Variants in HEMK1 observed in about 807,000 individuals in gnomAD.
HEMK1 encodes the protein HemK methyltransferase 1, mitochondrial release factors N(5)-glutamine.
A neutral mutation model predicts 47.9 loss-of-function variants in HEMK1; 36 were observed. The observed-to-expected ratio is 0.75, with a 90% CI of 0.58 to 0.99. HEMK1 has a LOEUF of 0.99. Ranked by LOEUF, HEMK1 falls within the 50% of genes least tolerant of loss-of-function variation. HEMK1 has a pLI of 0.00. For synonymous variants in HEMK1, 153 were observed against 165.4 expected (o/e 0.93, Z 0.57); for missense variants, 383 against 434.5 (o/e 0.88, Z 1.05).
In HEMK1 at chr3:50,570,952, A is replaced by C; in HGVS notation, c.-153A>C. 1.8e-6 allele frequency: 1 copy of C among 549,090 alleles called. No homozygotes were observed. 34.0% of individuals were successfully genotyped at this position (549,090 alleles called of 1,614,324 possible). Reference sequence around the variant, plus strand: ...CCAGGGTGGCAACCAACTATATCTGAGGACCAGAGCCATTTTGGGGCACCA... The same window carrying C: ...CCAGGGTGGCAACCAACTATATCTGCGGACCAGAGCCATTTTGGGGCACCA... On this transcript the variant is annotated 5_prime_UTR_variant, in exon 2 of 11. Transcript: ENST00000232854.
rs772032240 is a variant in HEMK1, at chr3:50,571,201, C to T, written c.97C>T (p.Pro33Ser). ...GWAFSSWQPQ[P>S]PLAGLSSAIE... ...GGCCTTCAGCTCATGGCAACCCCAACCACCTCTGGCTGGGTTATCCAGTGC... is the reference window on the plus strand; with the variant it reads ...GGCCTTCAGCTCATGGCAACCCCAATCACCTCTGGCTGGGTTATCCAGTGC... The change falls in exon 2 of 11, where the codon CCA becomes TCA. Residue 33 changes from proline (P) to serine (S), a missense_variant. Physicochemically the swap from Pro to Ser is moderately conservative, Grantham distance 74. Coordinates refer to ENST00000232854, the MANE Select transcript of HEMK1 (RefSeq NM_016173.5). 3.1e-6 allele frequency: 5 copies of T among 1,613,882 alleles called. No individual in the cohort carries two copies. Among genetic ancestry groups the T allele is most frequent in the Non-Finnish European group, 4.2e-6 (5 of 1,179,918 alleles).
At position 50,589,078 on chromosome 3, in the gene HEMK1, T is replaced by C. The variant is rs1006979652; in HGVS notation, c.*8661T>C. The C allele has an allele frequency of 6.6e-6, 1 of 152,246 alleles. No individual in the cohort carries two copies. 9.4% of individuals were successfully genotyped at this position (152,246 alleles called of 1,614,324 possible). ...TATTTTGCAAGTGCAAATTCTTTCT[T>C]AGCATACAGTCCATCAGGGCGAAGA... On this transcript the variant is annotated 3_prime_UTR_variant, in exon 11 of 11. Coordinates refer to ENST00000232854, the MANE Select transcript of HEMK1 (RefSeq NM_016173.5).
rs1018740900 is a variant in HEMK1, at chr3:50,581,539, A to C, written c.*1122A>C. On this transcript the variant is annotated 3_prime_UTR_variant, in exon 11 of 11. Coordinates refer to ENST00000232854, the MANE Select transcript of HEMK1 (RefSeq NM_016173.5). ...GTGTCCTGCAGTGGGACCTTGGGCA[A>C]CTCCTTTCCCTATGAGAAGCTGGCT... The C allele has an allele frequency of 6.6e-6, 1 of 152,026 alleles. No homozygotes were observed. Among genetic ancestry groups the C allele is most frequent in the Admixed American group, 6.6e-5 (1 of 15,252 alleles). 9.4% of individuals were successfully genotyped at this position (152,026 alleles called of 1,614,324 possible). A position where few individuals can be genotyped will look rare whatever the true frequency, so the allele number is the denominator to read the frequency against.
At chr3:50,575,985 A>G (rs1701550150) in intron 4 of HEMK1, among the ~76,000 whole-genome samples, 1 of 152,234 alleles carries the variant, frequency 6.6e-6, no homozygotes, top group African/African-American at 2.4e-5. Flanking sequence ...TCTTGTTTCC[A>G]AAGTGACAGT....
chr3:50,570,161 G>A (rs1173534594), intron 1 of HEMK1: 1 of 152,226 alleles, frequency 6.6e-6, no homozygotes, highest in Non-Finnish European at 1.5e-5. Context: ...GTTTCTACCT[G>A]AGTGACGCTG....
In HEMK1 at chr3:50,595,987, T is replaced by C. The variant is rs2031954445; in HGVS notation, c.*15570T>C. 1 of 152,204 alleles carries C rather than the reference T, an allele frequency of 6.6e-6. No individual in the cohort carries two copies. Among genetic ancestry groups the C allele is most frequent in the Admixed American group, 6.5e-5 (1 of 15,272 alleles). 9.4% of individuals were successfully genotyped at this position (152,204 alleles called of 1,614,324 possible). ...TGTTTAATATTTGGTCCATCTAGAA[T>C]TTATGGTGGAAGGTGTGAGGTAGAC... On this transcript the variant is annotated 3_prime_UTR_variant, in exon 11 of 11. Coordinates refer to ENST00000232854, the MANE Select transcript of HEMK1 (RefSeq NM_016173.5).
chr3:50,578,986 C>A, intron 8 of HEMK1, 60 bp downstream of exon 8: 1 of 1,226,608 alleles, frequency 8.2e-7, no homozygotes, highest in Non-Finnish European at 1.2e-6. Flanking sequence ...GATTAGTCTG[C>A]CCTCGAGGAC....
In HEMK1 at chr3:50,571,251, T is replaced by C. The variant is rs1700918058; in HGVS notation, c.147T>C (p.Thr49=). The C allele has an allele frequency of 6.8e-6, 11 of 1,613,478 alleles. No individual in the cohort carries two copies. Among genetic ancestry groups the C allele is most frequent in the Non-Finnish European group, 9.3e-6 (11 of 1,179,788 alleles). The part of the protein sequence containing the change: ...SSAIELVSHW[T]GVFEKRGIPE... ...CCATAGAACTGGTCAGCCACTGGAC[T>C]GGGGTCTTTGAGAAGAGGGGTATCC... The change falls in exon 2 of 11, where the codon ACT becomes ACC. Residue 49 remains threonine (T), a synonymous_variant. Coordinates refer to ENST00000232854, the MANE Select transcript of HEMK1 (RefSeq NM_016173.5).
At position 50,577,156 on chromosome 3, in the gene HEMK1, C is replaced by T. The variant is rs755609815; in HGVS notation, c.519C>T (p.Ile173=). 1 of 1,612,162 alleles carries T rather than the reference C, an allele frequency of 6.2e-7. No individual in the cohort carries two copies. Among genetic ancestry groups the T allele is most frequent in the Non-Finnish European group, 8.5e-7 (1 of 1,179,478 alleles). ...ILEVGCGSGA[I]SLSLLSQLPQ... is the part of the protein sequence containing the mutation. Reference sequence around the variant, plus strand: ...AGGTGGGCTGCGGATCAGGAGCCATCTCCCTCAGCCTGCTGAGCCAGCTCC... The same window carrying T: ...AGGTGGGCTGCGGATCAGGAGCCATTTCCCTCAGCCTGCTGAGCCAGCTCC... The change falls in exon 5 of 11, where the codon ATC becomes ATT. Residue 173 remains isoleucine, a synonymous_variant. Coordinates refer to ENST00000232854, the MANE Select transcript of HEMK1 (RefSeq NM_016173.5).
In HEMK1 at chr3:50,592,146, G is replaced by A. The variant is rs1457008841; in HGVS notation, c.*11729G>A. ...GAAAAGAGAGCCAAAGCTCAGAGAGGGCCCATGACTTGCCCAGTGTCACAC... is the reference window on the plus strand; with the variant it reads ...GAAAAGAGAGCCAAAGCTCAGAGAGAGCCCATGACTTGCCCAGTGTCACAC... On this transcript the variant is annotated 3_prime_UTR_variant, in exon 11 of 11. Coordinates refer to ENST00000232854, the MANE Select transcript of HEMK1 (RefSeq NM_016173.5). 2 of 151,972 alleles carry A rather than the reference G, an allele frequency of 1.3e-5. No homozygotes were observed. Among genetic ancestry groups the A allele is most frequent in the Non-Finnish European group, 2.9e-5 (2 of 68,002 alleles). The allele number at this position is 151,972 out of a possible 1,614,324, so 9.4% of individuals were successfully genotyped here.
chr3:50,592,885 T>C lies in HEMK1; in HGVS notation c.*12468T>C, dbSNP rs1221787588. 1 of 152,402 alleles carries C rather than the reference T, an allele frequency of 6.6e-6. No homozygotes were observed. The allele number at this position is 152,402 out of a possible 1,614,324, so 9.4% of individuals were successfully genotyped here. A position where few individuals can be genotyped will look rare whatever the true frequency, so the allele number is the denominator to read the frequency against. ...AAAGCTGGCCCCGTGGAGTTTGCTATTCCAGCTTTTATTTACTCCTCTGTA... is the reference window on the plus strand; with the variant it reads ...AAAGCTGGCCCCGTGGAGTTTGCTACTCCAGCTTTTATTTACTCCTCTGTA... On this transcript the variant is annotated 3_prime_UTR_variant, in exon 11 of 11. Coordinates refer to ENST00000232854, the MANE Select transcript of HEMK1 (RefSeq NM_016173.5).
Position 50,590,874 on chromosome 3 carries a change from C to G in HEMK1, c.*10457C>G, listed in dbSNP as rs991490282. ...TCCAAGGGTGGAAAGACTGGGGGAC[C>G]CTGTGCCCCTGAAAGCCCAGAGTTT... On this transcript the variant is annotated 3_prime_UTR_variant, in exon 11 of 11. Coordinates refer to ENST00000232854, the MANE Select transcript of HEMK1 (RefSeq NM_016173.5). The G allele has an allele frequency of 6.6e-6, 1 of 152,208 alleles. No homozygotes were observed. Among genetic ancestry groups the G allele is most frequent in the Non-Finnish European group, 1.5e-5 (1 of 68,058 alleles). The allele number at this position is 152,208 out of a possible 1,614,324, so 9.4% of individuals were successfully genotyped here. A position where few individuals can be genotyped will look rare whatever the true frequency, so the allele number is the denominator to read the frequency against.
intron 4 of HEMK1, 130 bp from the exon 5 acceptor site, chr3:50,576,922 C>A: frequency 9.0e-7 from 1 of 1,105,078 alleles, no homozygotes; most frequent in Non-Finnish European, 1.3e-6. Context: ...CCCCAGCTGA[C>A]ATGAAGGTCA....
intron 2 of HEMK1, 81 bp downstream of exon 2, chr3:50,571,413 T>A: frequency 9.5e-7 from 1 of 1,055,690 alleles, no homozygotes; most frequent in African/African-American, 1.6e-5. Context: ...TTCTGTTCAC[T>A]AAGAGTGCTT....
rs772770883 is a variant in HEMK1, at chr3:50,577,490, CTGTT to C, written c.550-14_550-11del. The C allele has an allele frequency of 2.5e-5, 40 of 1,613,118 alleles. No homozygotes were observed. Among genetic ancestry groups the C allele is most frequent in the Non-Finnish European group, 3.1e-5 (36 of 1,179,096 alleles). ...CTCAGCATTGCCTTCCACATATCCT[CTGTT>C]TGTTCTTGGGACAGAGCCGAGTCAT... On this transcript the variant is annotated splice_polypyrimidine_tract_variant and intron_variant, in intron 5 of 10. Coordinates refer to ENST00000232854, the MANE Select transcript of HEMK1 (RefSeq NM_016173.5).
rs56407314 is a variant in HEMK1, at chr3:50,590,544, A to ACT, written c.*10128_*10129dup. On this transcript the variant is annotated 3_prime_UTR_variant, in exon 11 of 11. Transcript: ENST00000232854. ...ACCCTCTAGCGTGGGCGACAGCAAG[A>ACT]CTGTTTCAAAAAAAAAAAAGAGGAA... The ACT allele has an allele frequency of 0.95, 143,979 of 150,924 alleles. 69,097 individuals are homozygous for ACT. Among genetic ancestry groups the ACT allele is most frequent in the East Asian group, 1 (5,153 of 5,154 alleles). The allele number at this position is 150,924 out of a possible 1,614,324, so 9.3% of individuals were successfully genotyped here.
chr3:50,593,754 T>C lies in HEMK1; in HGVS notation c.*13337T>C, dbSNP rs889671605. ...TTGTCTTTTCCTTTCTTTCTTTTTT[T>C]TTTTTTTGAGACAAAGTGCCACTCT... is the stretch of plus-strand genomic sequence containing the variant. On this transcript the variant is annotated 3_prime_UTR_variant, in exon 11 of 11. Coordinates refer to ENST00000232854, the MANE Select transcript of HEMK1 (RefSeq NM_016173.5). 7 of 152,060 alleles carry C rather than the reference T, an allele frequency of 4.6e-5. No individual in the cohort carries two copies. Among genetic ancestry groups the C allele is most frequent in the Non-Finnish European group, 7.4e-5 (5 of 67,990 alleles). The allele number at this position is 152,060 out of a possible 1,614,324, so 9.4% of individuals were successfully genotyped here.
chr3:50,590,197 T>G lies in HEMK1; in HGVS notation c.*9780T>G, dbSNP rs2031646224. ...TAGACTCCATCTCAAAAAAAAAAAT[T>G]TAAAAATAATAATTTTAAAAAAATG... On this transcript the variant is annotated 3_prime_UTR_variant, in exon 11 of 11. Transcript: ENST00000232854. 1 of 150,476 alleles carries G rather than the reference T, an allele frequency of 6.6e-6. No individual in the cohort carries two copies. Among genetic ancestry groups the G allele is most frequent in the African/African-American group, 2.5e-5 (1 of 40,812 alleles). The allele number at this position is 150,476 out of a possible 1,614,324, so 9.3% of individuals were successfully genotyped here. A position where few individuals can be genotyped will look rare whatever the true frequency, so the allele number is the denominator to read the frequency against.
rs1575975050 is a variant in HEMK1 at position 50,592,838 on chromosome 3, C to T, written c.*12421C>T. 6.5e-6 allele frequency: 1 copy of T among 152,794 alleles called. No homozygotes were observed. The highest frequency in any genetic ancestry group is 2.1e-4 in the South Asian group (1 of 4,846). The allele number at this position is 152,794 out of a possible 1,614,324, so 9.5% of individuals were successfully genotyped here. A position where few individuals can be genotyped will look rare whatever the true frequency, so the allele number is the denominator to read the frequency against. On this transcript the variant is annotated 3_prime_UTR_variant, in exon 11 of 11. Transcript: ENST00000232854. ...TGCTGGCTGTGGCTGTGGGAGGAGACCTGGAGCACTGTGCCCGAGGCAAAG... is the reference window on the plus strand; with the variant it reads ...TGCTGGCTGTGGCTGTGGGAGGAGATCTGGAGCACTGTGCCCGAGGCAAAG...
Sources: allele counts gnomAD v4.1 joint callset (sites outside exome capture counted in the v4.1 genomes callset), GRCh38; gene constraint gnomAD v4.1.1; transcripts MANE v1.5; gene names NCBI Gene and HGNC (gene_info 2026-07-23, HGNC 2026-07-21).